Variants in RAD23B observed in about 807,000 individuals in gnomAD.
The protein encoded by RAD23B is lysine-specific demethylase RAD23B.
A neutral mutation model predicts 49.1 loss-of-function variants in RAD23B; 5 were observed. The observed-to-expected ratio is 0.10, with a 90% confidence interval of 0.05 to 0.21. The LOEUF (loss-of-function observed/expected upper bound fraction) is 0.21. Among genes scored for constraint, RAD23B ranks in the 10% least tolerant of loss-of-function variants. The pLI is 1.00. For missense variants in RAD23B, 356 were observed against 486.7 expected (o/e 0.73, Z 2.53); for synonymous variants, 184 against 165.4 (o/e 1.11, Z -0.86).
At chr9:107,298,157 G>C (rs1204866389) in intron 1 of RAD23B, among the ~76,000 whole-genome samples, 1 of 152,136 alleles carries the variant, frequency 6.6e-6, no homozygotes, top group Non-Finnish European at 1.5e-5. Flanking sequence ...ACACCACTGA[G>C]TGCTCCACCC....
intron 3 of RAD23B, among the ~76,000 whole-genome samples, chr9:107,306,070 T>TAG (rs1564245542): frequency 1.2e-4 from 14 of 114,542 alleles, no homozygotes; most frequent in Admixed American, 3.4e-4. Flanking sequence ...TATATATATA[T>TAG]ATCTATATAT....
chr9:107,309,930 C>CAAAAAA (rs34745859), intron 4 of RAD23B, among the ~76,000 whole-genome samples: 4 of 75,454 alleles, frequency 5.3e-5, no homozygotes, highest in African/African-American at 8.9e-5. Context: ...GACTCCATCT[C>CAAAAAA]AAAAAAAAAA....
chr9:107,289,181 C>T (rs1360328859), intron 1 of RAD23B, among the ~76,000 whole-genome samples: 4 of 149,260 alleles, frequency 2.7e-5, no homozygotes, highest in Non-Finnish European at 5.9e-5. Context: ...ACTCCTTTCC[C>T]TTCCTTCCTT....
intron 1 of RAD23B, among the ~76,000 whole-genome samples, chr9:107,294,554 C>A (rs1826459587): frequency 6.6e-6 from 1 of 152,222 alleles, no homozygotes. Flanking sequence ...GTTCATACCT[C>A]TTCCTTTGAA....
rs765399938 is a variant in RAD23B at position 107,318,744 on chromosome 9, C to G, written c.554-8C>G. The stretch of plus-strand genomic sequence containing the variant: ...TTCCTTTTTTTCCCCTCCACCCTCC[C>G]TTTTTAGTGACGGGTCAGTCTTACG... On this transcript the variant is annotated splice_region_variant and splice_polypyrimidine_tract_variant and intron_variant, in intron 5 of 9. Transcript: ENST00000358015. This position sits in a 1 kb window ranked among gnomAD's most constrained non-coding sequence, Gnocchi z 4.3. 6.2e-7 allele frequency: 1 copy of G among 1,605,036 alleles called. No homozygotes were observed. The highest frequency in any genetic ancestry group is 1.7e-5 in the Admixed American group (1 of 59,176).
At position 107,324,849 on chromosome 9, in the gene RAD23B, C is replaced by G; in HGVS notation, c.961C>G (p.Gln321Glu). The G allele has an allele frequency of 6.2e-7, 1 of 1,608,374 alleles. No individual in the cohort carries two copies. The highest frequency in any genetic ancestry group is 8.5e-7 in the Non-Finnish European group (1 of 1,178,146). ...ATCACCACAGCAAATTAGCCAACAC[C>G]AGGAGCATTTTATTCAGATGTTAAA... ...PQLLQQISQH[Q>E]EHFIQMLNEP... Residue 321 changes from glutamine to glutamate, a missense_variant, in exon 9 of 10, where the codon CAG becomes GAG. Gln to Glu is a conservative substitution (Grantham distance 29, BLOSUM62 2). This residue lies in a region of RAD23B where 148 missense variants were observed against 231.7 expected (regional missense o/e 0.64). Transcript: ENST00000358015.
chr9:107,287,834 C>CAAAAAAAAA (rs11396857), intron 1 of RAD23B, among the ~76,000 whole-genome samples: 5 of 119,250 alleles, frequency 4.2e-5, no homozygotes, highest in African/African-American at 6.5e-5. Flanking sequence ...AACTCCATCT[C>CAAAAAAAAA]AAAAAAAAAA....
chr9:107,329,864 G>T lies in RAD23B; in HGVS notation c.*208G>T, dbSNP rs1211428091. ...TTAGCAGATGCCGCAACTCCACACA[G>T]TGTGTAAAATATATACAACCAAAAA... On this transcript the variant is annotated 3_prime_UTR_variant, in exon 10 of 10. Coordinates refer to ENST00000358015, the MANE Select transcript of RAD23B (RefSeq NM_002874.5). The T allele has an allele frequency of 2.8e-6, 1 of 357,438 alleles. No individual in the cohort carries two copies. The highest frequency in any genetic ancestry group is 4.4e-5 in the Admixed American group (1 of 22,664). The allele number at this position is 357,438 out of a possible 1,614,324, so 22.1% of individuals were successfully genotyped here. A position where few individuals can be genotyped will look rare whatever the true frequency, so the allele number is the denominator to read the frequency against.
chr9:107,315,871 C>T (rs1826982410), intron 5 of RAD23B, among the ~76,000 whole-genome samples: 1 of 152,046 alleles, frequency 6.6e-6, no homozygotes, highest in Non-Finnish European at 1.5e-5. Flanking sequence ...AAAAGTATCA[C>T]ATTGCTTATG....
At chr9:107,300,331 A>G in intron 2 of RAD23B, 109 bp downstream of exon 2, 1 of 1,263,028 alleles carries the variant, frequency 7.9e-7, no homozygotes. Context: ...AAATGATTGT[A>G]CAAATAAAAG....
rs757678716 is a variant in RAD23B, at chr9:107,302,061, C to G, written c.175C>G (p.Leu59Val). 11 of 1,612,586 alleles carry G rather than the reference C, an allele frequency of 6.8e-6. No homozygotes were observed. Among genetic ancestry groups the G allele is most frequent in the African/African-American group, 1.3e-5 (1 of 74,744 alleles). Residue 59 changes from leucine (L) to valine (V), a missense_variant, in exon 3 of 10, where the codon CTC becomes GTC. Leu to Val is a conservative substitution (Grantham distance 32). Transcript: ENST00000358015. ...AGKILNDDTA[L>V]KEYKIDEKNF... ...CAAAATCCTCAATGATGATACTGCTCTCAAAGAATATAAAATTGATGAGAA... is the reference window on the plus strand; with the variant it reads ...CAAAATCCTCAATGATGATACTGCTGTCAAAGAATATAAAATTGATGAGAA...
intron 5 of RAD23B, among the ~76,000 whole-genome samples, chr9:107,315,508 T>TTTTTGTTTTG (rs970007692): frequency 5.6e-4 from 86 of 152,220 alleles, no homozygotes; most frequent in African/African-American, 2.0e-3. Context: ...GTTTTTGTTT[T>TTTTTGTTTTG]TTTTGTTTTG....
At chr9:107,308,576 AAG>A (rs1169231967) in intron 4 of RAD23B, among the ~76,000 whole-genome samples, 1 of 152,166 alleles carries the variant, frequency 6.6e-6, no homozygotes, top group African/African-American at 2.4e-5. Context: ...CTATTCTAAA[AAG>A]AGCCAGGGTT....
At chr9:107,326,464 G>C (rs1398490252) in intron 9 of RAD23B, among the ~76,000 whole-genome samples, 1 of 138,934 alleles carries the variant, frequency 7.2e-6, no homozygotes, top group African/African-American at 2.7e-5. Flanking sequence ...CTGGGCCACA[G>C]AGCGAGACTC....
At chr9:107,299,250 CAACTT>C (rs925116392) in intron 1 of RAD23B, among the ~76,000 whole-genome samples, 3 of 152,260 alleles carry the variant, frequency 2.0e-5, no homozygotes, top group African/African-American at 7.2e-5. Flanking sequence ...AGAGAACTGT[CAACTT>C]AGATAATTTT....
chr9:107,330,304 C>G lies in RAD23B; in HGVS notation c.*648C>G, dbSNP rs1291712874. 17 of 152,494 alleles carry G rather than the reference C, an allele frequency of 1.1e-4. No individual in the cohort carries two copies. 9.4% of individuals were successfully genotyped at this position (152,494 alleles called of 1,614,324 possible). A position where few individuals can be genotyped will look rare whatever the true frequency, so the allele number is the denominator to read the frequency against. ...TTTCTTGATCATTGAATGTGAGACC[C>G]TTCTAACATGATTTGAGAAGCTGTA... On this transcript the variant is annotated 3_prime_UTR_variant, in exon 10 of 10. Coordinates refer to ENST00000358015, the MANE Select transcript of RAD23B (RefSeq NM_002874.5). This position sits in a 1 kb window ranked among gnomAD's most constrained non-coding sequence, Gnocchi z 4.4.
chr9:107,312,363 A>C (rs978911072), intron 5 of RAD23B, among the ~76,000 whole-genome samples: 2 of 152,054 alleles, frequency 1.3e-5, no homozygotes, highest in Admixed American at 1.3e-4. Flanking sequence ...TTTAAATGGC[A>C]GGGAGGGAGA....
At chr9:107,285,313 A>G (rs543587657) in intron 1 of RAD23B, among the ~76,000 whole-genome samples, 1 of 152,370 alleles carries the variant, frequency 6.6e-6, no homozygotes, top group South Asian at 2.1e-4. Flanking sequence ...ATGATTTCAG[A>G]CAAACTACGT....
intron 1 of RAD23B, among the ~76,000 whole-genome samples, chr9:107,293,489 A>G (rs1038534924): frequency 6.6e-6 from 1 of 152,322 alleles, no homozygotes; most frequent in Non-Finnish European, 1.5e-5. Context: ...CAGATGTTAT[A>G]TTTCAGGGCT....
Sources: gnomAD v4.1 joint callset for allele counts (sites outside exome capture counted in the v4.1 genomes callset) on GRCh38, gnomAD v4.1.1 for gene constraint, gnomAD v4.1.1 regional missense constraint, Gnocchi (gnomAD v3.1) non-coding constraint, MANE v1.5 for transcripts, NCBI Gene and HGNC (gene_info 2026-07-23, HGNC 2026-07-21) for gene names.